Variants in PRDX1 observed in about 807,000 individuals in gnomAD.
PRDX1 encodes the protein peroxiredoxin 1, also known as peroxiredoxin-1.
Under a neutral mutation model 20.7 loss-of-function variants are expected in PRDX1, and 19 were observed. The observed-to-expected ratio is 0.92, with a 90% CI of 0.64 to 1.35. The LOEUF (loss-of-function observed/expected upper bound fraction) is 1.35, where lower values mean the gene tolerates loss of function less well. PRDX1 is among the 40% of genes most tolerant of loss of function. PRDX1 has a pLI of 0.00. For missense variants in PRDX1, 226 were observed against 240.0 expected (o/e 0.94, Z 0.38); for synonymous variants, 89 against 83.9 (o/e 1.06, Z -0.33).
chr1:45,511,186 C>T lies in PRDX1; in HGVS notation c.*143G>A, dbSNP rs944633221. ...GGAAGAAAGGCTGGTCTCTCCACCC[C>T]CTGTAGGAAAGGCCTGCCTTGTAAG... is the stretch of plus-strand genomic sequence containing the variant. On this transcript the variant is annotated 3_prime_UTR_variant, in exon 6 of 6. Transcript: ENST00000319248. The T allele has an allele frequency of 5.8e-6, 4 of 694,030 alleles. No homozygotes were observed. The Admixed American group carries it at 7.8e-5, about 14-fold the overall frequency. 43.0% of individuals were successfully genotyped at this position (694,030 alleles called of 1,614,324 possible).
intron 1 of PRDX1, among the ~76,000 whole-genome samples, chr1:45,521,181 G>A (rs1398409662): frequency 3.9e-5 from 6 of 152,080 alleles, no homozygotes; most frequent in African/African-American, 1.4e-4. Flanking sequence ...CGGGGTAAAG[G>A]CTGCTGGGAT....
intron 5 of PRDX1, chr1:45,511,809 C>CA (rs1215053351): frequency 6.4e-6 from 1 of 155,426 alleles, no homozygotes; most frequent in Non-Finnish European, 1.4e-5. Flanking sequence ...ACAGCAAACT[C>CA]AGTCTGCCTT....
At position 45,511,147 on chromosome 1, in the gene PRDX1, C is replaced by T. The variant is rs1643735150; in HGVS notation, c.*182G>A. ...AGCCTGCCCACAACGCCAACTCAGG[C>T]CATTCCTACCAAAGGAAGAAAGGCT... On this transcript the variant is annotated 3_prime_UTR_variant, in exon 6 of 6. Transcript: ENST00000319248. 1 of 563,750 alleles carries T rather than the reference C, an allele frequency of 1.8e-6. No homozygotes were observed. The highest frequency in any genetic ancestry group is 3.1e-6 in the Non-Finnish European group (1 of 319,896). The allele number at this position is 563,750 out of a possible 1,614,324, so 34.9% of individuals were successfully genotyped here. A position where few individuals can be genotyped will look rare whatever the true frequency, so the allele number is the denominator to read the frequency against.
At chr1:45,517,609 G>A (rs1049866673) in intron 2 of PRDX1, among the ~76,000 whole-genome samples, 25 of 152,078 alleles carry the variant, frequency 1.6e-4, no homozygotes, top group Admixed American at 1.5e-3. Flanking sequence ...GTGAAACCCC[G>A]TCTCTACTAA....
At chr1:45,520,431 T>C (rs568089663) in intron 1 of PRDX1, among the ~76,000 whole-genome samples, 139 of 152,056 alleles carry the variant, frequency 9.1e-4, no homozygotes, top group African/African-American at 3.1e-3. Flanking sequence ...AAGATTAGTA[T>C]TGAGATCTTG....
At chr1:45,511,747 A>G (rs1014775867) in intron 5 of PRDX1, 10 of 185,682 alleles carry the variant, frequency 5.4e-5, no homozygotes, top group African/African-American at 1.2e-4. Context: ...ACATAGGACT[A>G]TGTAAACCCT....
intron 4 of PRDX1, 100 bp downstream of exon 4, chr1:45,514,773 A>G: frequency 6.4e-7 from 1 of 1,574,000 alleles, no homozygotes; most frequent in Non-Finnish European, 8.6e-7. Flanking sequence ...AGGCCCCTGC[A>G]TAAAGGAATG....
chr1:45,520,938 T>G (rs1557616622), intron 1 of PRDX1, among the ~76,000 whole-genome samples: 1 of 152,134 alleles, frequency 6.6e-6, no homozygotes, highest in Admixed American at 6.5e-5. Flanking sequence ...AGCCGCGGTC[T>G]GAAAGCTTTT....
At chr1:45,515,841 G>A (rs776500101) in intron 2 of PRDX1, 34 bp from the exon 3 acceptor site, 44 of 1,510,952 alleles carry the variant, frequency 2.9e-5, no homozygotes, top group Middle Eastern at 3.5e-4. Context: ...GTTAGCATTT[G>A]ACACAGACTT....
At position 45,511,274 on chromosome 1, in the gene PRDX1, G is replaced by T; in HGVS notation, c.*55C>A. The T allele has an allele frequency of 7.3e-7, 1 of 1,367,486 alleles. No homozygotes were observed. The highest frequency in any genetic ancestry group is 1.3e-5 in the South Asian group (1 of 74,596). 84.7% of individuals were successfully genotyped at this position (1,367,486 alleles called of 1,614,324 possible). A position where few individuals can be genotyped will look rare whatever the true frequency, so the allele number is the denominator to read the frequency against. On this transcript the variant is annotated 3_prime_UTR_variant, in exon 6 of 6. Transcript: ENST00000319248. The stretch of plus-strand genomic sequence containing the variant: ...ACTAATGGAAAAAAAAAATACAGAA[G>T]AGGTTTTGTTCTCATGGCTGCCCAC...
chr1:45,520,360 G>GTA (rs1557616258), intron 1 of PRDX1, among the ~76,000 whole-genome samples: 1 of 152,042 alleles, frequency 6.6e-6, no homozygotes, highest in Non-Finnish European at 1.5e-5. Context: ...GCGAAAACAA[G>GTA]TATAAGAATC....
At chr1:45,516,793 G>A (rs1456960684) in intron 2 of PRDX1, among the ~76,000 whole-genome samples, 3 of 151,954 alleles carry the variant, frequency 2.0e-5, no homozygotes, top group Non-Finnish European at 2.9e-5. Context: ...AGGCCGAGGC[G>A]GGTGGATCAC....
At chr1:45,517,955 C>T (rs2149329105) in intron 2 of PRDX1, among the ~76,000 whole-genome samples, 1 of 152,272 alleles carries the variant, frequency 6.6e-6, no homozygotes, top group Middle Eastern at 3.4e-3. Flanking sequence ...AGTGTCACAG[C>T]TCCAGAGATT....
chr1:45,518,326 G>A (rs1254933171), intron 2 of PRDX1, among the ~76,000 whole-genome samples: 1 of 151,966 alleles, frequency 6.6e-6, no homozygotes, highest in Non-Finnish European at 1.5e-5. Context: ...AATTAGCCAG[G>A]CATGATGGCG....
At chr1:45,518,679 G>A (rs1486035077) in intron 2 of PRDX1, among the ~76,000 whole-genome samples, 8 of 152,020 alleles carry the variant, frequency 5.3e-5, no homozygotes, top group South Asian at 2.1e-4. Context: ...GAAAATAGAC[G>A]AGGAATACTG....
At chr1:45,512,456 C>T (rs1643772308) in intron 5 of PRDX1, 1 of 151,298 alleles carries the variant, frequency 6.6e-6, no homozygotes, top group Non-Finnish European at 1.5e-5. Flanking sequence ...ATCACTTGAA[C>T]CCAGGAGGTG....
intron 1 of PRDX1, among the ~76,000 whole-genome samples, chr1:45,519,614 T>TG (rs1643890170): frequency 6.6e-6 from 1 of 152,186 alleles, no homozygotes. Context: ...TTTGTTTTTT[T>TG]GACGGAGTTT....
chr1:45,512,050 G>C (rs1391989569), intron 5 of PRDX1: 1 of 151,608 alleles, frequency 6.6e-6, no homozygotes. Flanking sequence ...TGAGGCAAGG[G>C]GACTAATCTC....
Position 45,514,642 on chromosome 1 carries a change from GAA to G in PRDX1, c.384-7_384-6del, listed in dbSNP as rs750465030. On this transcript the variant is annotated splice_region_variant and splice_polypyrimidine_tract_variant and intron_variant, in intron 4 of 5. Transcript: ENST00000319248. The stretch of plus-strand genomic sequence containing the variant: ...TCATCAATGATAAAAAGGCCCCTGG[GAA>G]AAGAGATGAAAGGAAAAGCAATACA... 1.2e-6 allele frequency: 2 copies of G among 1,613,588 alleles called. No homozygotes were observed. The highest frequency in any genetic ancestry group is 1.1e-5 in the South Asian group (1 of 91,068).
Sources: gnomAD v4.1 joint callset for allele counts (sites outside exome capture counted in the v4.1 genomes callset) on GRCh38, gnomAD v4.1.1 for gene constraint, MANE v1.5 for transcripts, NCBI Gene and HGNC (gene_info 2026-07-23, HGNC 2026-07-21) for gene names.